Variants in GNAQ observed in about 807,000 individuals in gnomAD.
The protein encoded by GNAQ is guanine nucleotide-binding protein G(q) subunit alpha.
In GNAQ, 8 loss-of-function variants were observed where a neutral mutation model predicts 43.9. The ratio of observed to expected loss-of-function variants is 0.18; its 90% CI spans 0.11 to 0.33. The LOEUF (loss-of-function observed/expected upper bound fraction) is 0.33, where lower values mean the gene tolerates loss of function less well. Among genes scored for constraint, GNAQ ranks in the 10% least tolerant of loss-of-function variants. GNAQ has a pLI of 1.00. For missense variants in GNAQ, 158 were observed against 450.8 expected, an observed-to-expected ratio of 0.35 and a Z score of 5.88; for synonymous variants, 155 against 170.7, an observed-to-expected ratio of 0.91 and a Z score of 0.71.
chr9:77,846,311 T>C (rs936225965), intron 2 of GNAQ, among the ~76,000 whole-genome samples: 1 of 152,118 alleles, frequency 6.6e-6, no homozygotes, highest in African/African-American at 2.4e-5. Context: ...GGCTGCCCCT[T>C]GGGAGGGGCA....
intron 2 of GNAQ, among the ~76,000 whole-genome samples, chr9:77,911,938 C>A (rs1004243873): frequency 1.7e-4 from 26 of 152,156 alleles, no homozygotes; most frequent in African/African-American, 6.3e-4. Context: ...GCAGCTAACA[C>A]AGTCTGGATA....
intron 1 of GNAQ, among the ~76,000 whole-genome samples, chr9:77,972,711 T>C (rs1344501897): frequency 6.6e-6 from 1 of 152,102 alleles, no homozygotes; most frequent in Non-Finnish European, 1.5e-5. Context: ...CACAGCACTT[T>C]GGGAGGCCGA....
intron 1 of GNAQ, among the ~76,000 whole-genome samples, chr9:77,963,057 G>A (rs1286178851): frequency 6.6e-6 from 1 of 152,020 alleles, no homozygotes; most frequent in Non-Finnish European, 1.5e-5. Context: ...TTTGAAAAAC[G>A]CCACTATCAG....
At position 77,802,933 on chromosome 9, in the gene GNAQ, T is replaced by A. The variant is rs187746305; in HGVS notation, c.477-5285A>T. Among the ~76,000 whole-genome samples the A allele has an allele frequency of 1.1e-3, 170 of 152,050 alleles. No individual in the cohort carries two copies. In the South Asian group the frequency reaches 0.016, roughly 14 times the overall value. ...TAAATTATTAATTTATAATTTTTTTTAAAAAAAGAAACCCCGAGCTCAATA... is the reference window on the plus strand; with the variant it reads ...TAAATTATTAATTTATAATTTTTTTAAAAAAAAGAAACCCCGAGCTCAATA... On this transcript the variant is annotated intron_variant, in intron 3 of 6. Transcript: ENST00000286548.
At chr9:77,822,488 T>G (rs1827132652) in intron 2 of GNAQ, among the ~76,000 whole-genome samples, 1 of 152,154 alleles carries the variant, frequency 6.6e-6, no homozygotes, top group Non-Finnish European at 1.5e-5. Context: ...TACAATCTCA[T>G]TAACCAGAGG....
chr9:77,885,866 A>C (rs2118086153), intron 2 of GNAQ, among the ~76,000 whole-genome samples: 1 of 152,334 alleles, frequency 6.6e-6, no homozygotes, highest in South Asian at 2.1e-4. Flanking sequence ...ATTCAAATTC[A>C]ATAAATGCTG....
intron 5 of GNAQ, among the ~76,000 whole-genome samples, chr9:77,751,072 T>C (rs1289333535): frequency 2.0e-5 from 3 of 152,230 alleles, no homozygotes; most frequent in South Asian, 4.1e-4. Context: ...CCCCGCTTTA[T>C]AGACTAAATA....
chr9:77,908,451 T>C (rs1828747297), intron 2 of GNAQ, among the ~76,000 whole-genome samples: 1 of 152,188 alleles, frequency 6.6e-6, no homozygotes, highest in Non-Finnish European at 1.5e-5. Context: ...TCAAATACTG[T>C]GCACTTTCCC....
At chr9:77,823,130 G>A (rs1449414024) in intron 2 of GNAQ, among the ~76,000 whole-genome samples, 4 of 151,800 alleles carry the variant, frequency 2.6e-5, no homozygotes, top group Non-Finnish European at 2.9e-5. Context: ...TAGTAGAGAT[G>A]GGGTTTCACC....
chr9:77,875,766 G>C (rs920822397), intron 2 of GNAQ, among the ~76,000 whole-genome samples: 12 of 152,202 alleles, frequency 7.9e-5, no homozygotes, highest in African/African-American at 2.9e-4. Flanking sequence ...GGCCTTGATG[G>C]ACAAGTCAAA....
chr9:78,002,962 T>C (rs906849490), intron 1 of GNAQ, among the ~76,000 whole-genome samples: 3 of 152,200 alleles, frequency 2.0e-5, no homozygotes, highest in Non-Finnish European at 4.4e-5. Context: ...TACATAGTAG[T>C]TATTTCATAT....
chr9:77,855,815 A>G (rs983387574), intron 2 of GNAQ, among the ~76,000 whole-genome samples: 4 of 152,142 alleles, frequency 2.6e-5, no homozygotes, highest in African/African-American at 9.6e-5. Context: ...TGGCTATAAT[A>G]TAACCAAAAA....
chr9:77,830,284 G>A (rs1431938316), intron 2 of GNAQ, among the ~76,000 whole-genome samples: 1 of 151,986 alleles, frequency 6.6e-6, no homozygotes, highest in African/African-American at 2.4e-5. Flanking sequence ...CCCCCAAGTG[G>A]TCTACACTGG....
At chr9:77,789,382 A>G (rs1826531323) in intron 5 of GNAQ, among the ~76,000 whole-genome samples, 1 of 152,208 alleles carries the variant, frequency 6.6e-6, no homozygotes, top group African/African-American at 2.4e-5. Context: ...TCCAAAGAAA[A>G]TAAGAAACCC....
At chr9:77,939,250 C>A (rs1829280083) in intron 1 of GNAQ, among the ~76,000 whole-genome samples, 1 of 152,174 alleles carries the variant, frequency 6.6e-6, no homozygotes, top group African/African-American at 2.4e-5. Context: ...CCATGAAACT[C>A]TACCTCAGAG....
intron 1 of GNAQ, among the ~76,000 whole-genome samples, chr9:77,929,631 G>C (rs1485264051): frequency 1.3e-5 from 2 of 152,146 alleles, no homozygotes; most frequent in African/African-American, 4.8e-5. Context: ...AGGTGTTCAA[G>C]ACCAGCCTGG....
intron 1 of GNAQ, among the ~76,000 whole-genome samples, chr9:78,020,343 A>T (rs1016898693): frequency 4.8e-4 from 73 of 152,124 alleles, no homozygotes; most frequent in African/African-American, 1.7e-3. Flanking sequence ...AACATGGAGG[A>T]AACATGTTGC....
intron 1 of GNAQ, among the ~76,000 whole-genome samples, chr9:77,971,086 T>C (rs1354618035): frequency 1.3e-5 from 2 of 152,132 alleles, no homozygotes; most frequent in Non-Finnish European, 2.9e-5. Flanking sequence ...AGGAAGAAGT[T>C]GAATCCCTGA....
intron 5 of GNAQ, among the ~76,000 whole-genome samples, chr9:77,761,153 G>T: frequency 6.9e-6 from 1 of 144,060 alleles, no homozygotes; most frequent in Non-Finnish European, 1.6e-5. Flanking sequence ...CGCCCCGTCC[G>T]GGAGGGAGGT....
Sources: allele counts gnomAD v4.1 joint callset (sites outside exome capture counted in the v4.1 genomes callset), GRCh38; gene constraint gnomAD v4.1.1; transcripts MANE v1.5; gene names NCBI Gene and HGNC (gene_info 2026-07-23, HGNC 2026-07-21).